Variants in GSE1 observed in about 807,000 individuals in gnomAD.
The protein encoded by GSE1 is genetic suppressor element 1.
GSE1 carries 32 observed loss-of-function variants against 112.6 expected under a neutral mutation model. The observed-to-expected ratio is 0.28, with a 90% CI of 0.21 to 0.38. GSE1 has a LOEUF of 0.38. Among genes scored for constraint, GSE1 ranks in the 10% least tolerant of loss-of-function variants. The pLI is 1.00. For missense variants in GSE1, 2,348 were observed against 1,699.2 expected (o/e 1.38, Z -6.71); for synonymous variants, 1,115 against 735.6 (o/e 1.52, Z -8.35).
chr16:85,496,432 C>A (rs903602325), intron 2 of GSE1, among the ~76,000 whole-genome samples: 2 of 152,188 alleles, frequency 1.3e-5, no homozygotes, highest in Non-Finnish European at 2.9e-5. Context: ...GTGGAAGCTT[C>A]CAGAGAGGGA....
intron 1 of GSE1, among the ~76,000 whole-genome samples, chr16:85,320,139 A>G (rs1427548711): frequency 1.3e-5 from 2 of 152,232 alleles, no homozygotes; most frequent in African/African-American, 4.8e-5. Flanking sequence ...CGGGGAATCC[A>G]TGTTGCTGCC....
chr16:85,655,547 C>T (rs181094353), intron 5 of GSE1, among the ~76,000 whole-genome samples, 179 bp from the exon 6 acceptor site: 1 of 152,228 alleles, frequency 6.6e-6, no homozygotes. Flanking sequence ...CGGCACCTAG[C>T]AGCCTCCGGC....
chr16:85,369,328 C>A (rs2047247484), intron 2 of GSE1, among the ~76,000 whole-genome samples: 1 of 152,108 alleles, frequency 6.6e-6, no homozygotes, highest in Non-Finnish European at 1.5e-5. Context: ...GGGATCCTCC[C>A]ACTTTAGCCT....
At chr16:85,478,888 TTTC>T (rs1464218439) in intron 2 of GSE1, among the ~76,000 whole-genome samples, 10 of 69,892 alleles carry the variant, frequency 1.4e-4, no homozygotes, top group Non-Finnish European at 2.4e-4. Context: ...TCTTTCTTTC[TTTC>T]TTTCTTTCTT....
intron 2 of GSE1, among the ~76,000 whole-genome samples, chr16:85,518,243 C>G (rs1268819905): frequency 6.6e-6 from 1 of 152,208 alleles, no homozygotes; most frequent in Non-Finnish European, 1.5e-5. Flanking sequence ...GGTCAGTTCT[C>G]TCTGGGTGTG....
intron 1 of GSE1, among the ~76,000 whole-genome samples, chr16:85,253,223 G>A (rs1304042254): frequency 6.6e-6 from 1 of 152,172 alleles, no homozygotes; most frequent in East Asian, 1.9e-4. Context: ...CGCCGCCGGC[G>A]ACTCACAGCA....
exon 1 of GSE1, chr16:85,170,518 G>C: frequency 1.0e-6 from 1 of 985,806 alleles, no homozygotes; most frequent in Non-Finnish European, 1.2e-6. Flanking sequence ...TGGGGAAGAG[G>C]ACCACAAGGA....
At chr16:85,404,617 A>G (rs868290540) in intron 2 of GSE1, among the ~76,000 whole-genome samples, 3 of 51,942 alleles carry the variant, frequency 5.8e-5, no homozygotes, top group Non-Finnish European at 3.3e-5. Context: ...CCTCACCGTT[A>G]CACTCAGGGC....
chr16:85,171,559 G>C (rs1254777935), exon 1 of GSE1: 2 of 985,522 alleles, frequency 2.0e-6, no homozygotes. Flanking sequence ...GCAGTACCAG[G>C]TGGAGACGTT....
intron 2 of GSE1, among the ~76,000 whole-genome samples, chr16:85,498,340 G>A (rs1012252919): frequency 2.6e-5 from 4 of 151,882 alleles, no homozygotes. Context: ...GACACACACG[G>A]ACACACAGAT....
chr16:85,366,482 A>G (rs1250738138), intron 2 of GSE1, among the ~76,000 whole-genome samples: 1 of 152,242 alleles, frequency 6.6e-6, no homozygotes, highest in South Asian at 2.1e-4. Context: ...CCGGGAGTGC[A>G]GAGCTTACAA....
At chr16:85,490,096 G>C (rs757793861) in intron 2 of GSE1, 2 of 152,412 alleles carry the variant, frequency 1.3e-5, no homozygotes, top group Non-Finnish European at 2.9e-5. Context: ...CCTGTGTTAT[G>C]GTGGGCCCTG....
intron 1 of GSE1, among the ~76,000 whole-genome samples, chr16:85,580,748 C>T (rs950162086): frequency 1.3e-5 from 2 of 152,238 alleles, no homozygotes; most frequent in Non-Finnish European, 2.9e-5. Flanking sequence ...GGGTGGGCCC[C>T]TGCTCTGCTA....
intron 1 of GSE1, among the ~76,000 whole-genome samples, chr16:85,324,637 G>C (rs1487415723): frequency 6.6e-6 from 1 of 152,194 alleles, no homozygotes; most frequent in Non-Finnish European, 1.5e-5. Context: ...GTCAGTTGAT[G>C]AGCGGATAAA....
chr16:85,425,642 C>A (rs2048960972), intron 2 of GSE1, among the ~76,000 whole-genome samples: 1 of 152,152 alleles, frequency 6.6e-6, no homozygotes, highest in Non-Finnish European at 1.5e-5. Flanking sequence ...ACCCACCCTC[C>A]AAGGCAAGCC....
intron 2 of GSE1, among the ~76,000 whole-genome samples, chr16:85,381,172 A>G (rs2047538494): frequency 6.6e-6 from 1 of 152,184 alleles, no homozygotes; most frequent in South Asian, 2.1e-4. Context: ...GAATCTTCCT[A>G]TTCTGGACGT....
intron 2 of GSE1, among the ~76,000 whole-genome samples, chr16:85,416,299 G>A (rs963432698): frequency 2.0e-5 from 3 of 152,230 alleles, no homozygotes; most frequent in African/African-American, 7.2e-5. Flanking sequence ...AGGAGGGAGG[G>A]GCCCGGGGCC....
intron 1 of GSE1, among the ~76,000 whole-genome samples, chr16:85,179,193 G>A (rs1187142846): frequency 2.6e-5 from 4 of 152,068 alleles, no homozygotes; most frequent in African/African-American, 9.7e-5. Context: ...GCACCCACTC[G>A]TCTGCCCTCT....
At chr16:85,337,286 CT>C (rs200001672) in intron 1 of GSE1, among the ~76,000 whole-genome samples, 9,264 of 142,634 alleles carry the variant, frequency 0.065, 393 homozygotes, top group Middle Eastern at 0.12. Context: ...GGGCTCAGGA[CT>C]TTTTTTTTTC....
Sources: allele counts gnomAD v4.1 joint callset (sites outside exome capture counted in the v4.1 genomes callset), GRCh38; gene constraint gnomAD v4.1.1; transcripts MANE v1.5; gene names NCBI Gene and HGNC (gene_info 2026-07-23, HGNC 2026-07-21).